GRIP1: variants seen among roughly 807,000 people sequenced by gnomAD.
GRIP1 encodes the protein glutamate receptor-interacting protein 1.
In GRIP1, 45 loss-of-function variants were observed where a neutral mutation model predicts 129.9. The ratio of observed to expected loss-of-function variants is 0.35; its 90% CI spans 0.27 to 0.44. GRIP1 has a LOEUF of 0.44. GRIP1 is among the 20% of genes least tolerant of loss of function. GRIP1 has a pLI of 1.00. For synonymous variants in GRIP1, 530 were observed against 520.8 expected (o/e 1.02, Z -0.24); for missense variants, 1,196 against 1,396.8 (o/e 0.86, Z 2.29).
chr12:66,703,476 G>A (rs2035419359), intron 1 of GRIP1, among the ~76,000 whole-genome samples: 1 of 151,990 alleles, frequency 6.6e-6, no homozygotes, highest in African/African-American at 2.4e-5. Context: ...CCGCTAGGAG[G>A]TGGAGGCAAT....
At chr12:66,688,391 T>C (rs2034857885) in intron 1 of GRIP1, among the ~76,000 whole-genome samples, 1 of 152,188 alleles carries the variant, frequency 6.6e-6, no homozygotes, top group African/African-American at 2.4e-5. Context: ...AATTTTCAAG[T>C]GCTTTACAAA....
At chr12:67,001,294 G>A (rs2042547264) in intron 1 of GRIP1, among the ~76,000 whole-genome samples, 1 of 152,136 alleles carries the variant, frequency 6.6e-6, no homozygotes, top group Non-Finnish European at 1.5e-5. Flanking sequence ...AGAGCTTGTG[G>A]GCTATCTAAA....
At chr12:66,804,794 G>A (rs1158813836), upstream of GRIP1, among the ~76,000 whole-genome samples, 2 of 152,274 alleles carry the variant, frequency 1.3e-5, no homozygotes, top group Admixed American at 6.5e-5. Flanking sequence ...TGCAATGGGC[G>A]TACTGATTAA....
rs2137528128 is a variant in GRIP1 at position 66,959,563 on chromosome 12, A to T, written c.58+109487T>A. Among the ~76,000 whole-genome samples, 3 of 152,326 alleles carry T rather than the reference A, an allele frequency of 2.0e-5. No homozygotes were observed. The South Asian group carries it at 6.2e-4, about 32-fold the overall frequency. On this transcript the variant is annotated intron_variant, in intron 1 of 1. Transcript: ENST00000643019. ...TCCATTTGAATCTTTATGATACAGTACATTTTCTTGCCAGAGTATTTTTTC... is the reference window on the plus strand; with the variant it reads ...TCCATTTGAATCTTTATGATACAGTTCATTTTCTTGCCAGAGTATTTTTTC...
At chr12:66,428,286 A>C (rs1475159464) in intron 14 of GRIP1, among the ~76,000 whole-genome samples, 1 of 152,188 alleles carries the variant, frequency 6.6e-6, no homozygotes, top group Non-Finnish European at 1.5e-5. Context: ...TTTGAAATGG[A>C]GCAGTGAGTA....
intron 1 of GRIP1, among the ~76,000 whole-genome samples, chr12:66,603,971 A>G (rs1325517860): frequency 6.6e-6 from 1 of 152,204 alleles, no homozygotes; most frequent in Non-Finnish European, 1.5e-5. Context: ...TTAGCTAGTA[A>G]AGGTCAAATG....
At chr12:66,883,147 T>C (rs1335588725) in intron 1 of GRIP1, among the ~76,000 whole-genome samples, 1 of 152,174 alleles carries the variant, frequency 6.6e-6, no homozygotes, top group Admixed American at 6.5e-5. Flanking sequence ...TACCAGTTAA[T>C]GTCTCTCTGG....
intron 1 of GRIP1, among the ~76,000 whole-genome samples, chr12:66,895,230 C>T (rs12810479): frequency 0.094 from 14,242 of 152,160 alleles, 896 homozygotes; most frequent in Non-Finnish European, 0.14. Flanking sequence ...ATGGGAAGGA[C>T]CTGGTGGGAG....
chr12:66,637,078 G>A (rs1010109062), intron 1 of GRIP1, among the ~76,000 whole-genome samples: 1 of 152,130 alleles, frequency 6.6e-6, no homozygotes, highest in African/African-American at 2.4e-5. Flanking sequence ...CCGCTTCATG[G>A]TGTGCATTCC....
rs145621893 is a variant in GRIP1, at chr12:66,905,307, C to G, written c.58+163743G>C. Reference sequence around the variant, plus strand: ...CATTGTAGGAAATCTCTGCTCCAAGCTCCTCACTTTCCATATGTGGATGTT... The same window carrying G: ...CATTGTAGGAAATCTCTGCTCCAAGGTCCTCACTTTCCATATGTGGATGTT... On this transcript the variant is annotated intron_variant, in intron 1 of 1. Coordinates refer to the GRIP1 transcript ENST00000643019. Among the ~76,000 whole-genome samples, 554 of 152,314 alleles carry G rather than the reference C, an allele frequency of 3.6e-3. 4 individuals are homozygous for G. Among genetic ancestry groups the G allele is most frequent in the African/African-American group, 0.011 (472 of 41,572 alleles).
intron 1 of GRIP1, among the ~76,000 whole-genome samples, chr12:66,689,665 G>T (rs1444860512): frequency 1.3e-5 from 2 of 152,022 alleles, no homozygotes; most frequent in East Asian, 1.9e-4. Context: ...ATGTGGGTGT[G>T]ACGGGGGTCA....
chr12:66,794,998 A>C (rs2038654173), intron 1 of GRIP1, among the ~76,000 whole-genome samples: 2 of 152,188 alleles, frequency 1.3e-5, no homozygotes, highest in Non-Finnish European at 2.9e-5. Flanking sequence ...GCACCCGTAC[A>C]TCTCACCCTA....
intron 1 of GRIP1, among the ~76,000 whole-genome samples, chr12:66,746,616 T>G (rs2036955194): frequency 6.6e-6 from 1 of 152,198 alleles, no homozygotes; most frequent in Non-Finnish European, 1.5e-5. Context: ...CTCGTGCTGG[T>G]CTACCAGATG....
chr12:66,747,533 T>C (rs2136594341), intron 1 of GRIP1, among the ~76,000 whole-genome samples: 1 of 152,020 alleles, frequency 6.6e-6, no homozygotes, highest in South Asian at 2.1e-4. Context: ...AAGAGAAAAA[T>C]AAAATGGATT....
At chr12:66,607,262 T>C (rs760188587) in intron 1 of GRIP1, among the ~76,000 whole-genome samples, 2 of 152,212 alleles carry the variant, frequency 1.3e-5, no homozygotes, top group Non-Finnish European at 2.9e-5. Flanking sequence ...TGCAAGATTC[T>C]TTCCAGCACA....
intron 2 of GRIP1, among the ~76,000 whole-genome samples, chr12:66,593,353 T>C (rs1017485150): frequency 5.3e-5 from 8 of 152,230 alleles, no homozygotes; most frequent in African/African-American, 1.9e-4. Context: ...ATAACTGCTG[T>C]AGTTATTCTG....
chr12:66,536,065 T>TTTTCTGCAC (rs2061595890), intron 4 of GRIP1, among the ~76,000 whole-genome samples: 1 of 152,196 alleles, frequency 6.6e-6, no homozygotes, highest in Non-Finnish European at 1.5e-5. Context: ...ACCTTGGGGT[T>TTTTCTGCAC]AACTTTGACT....
At chr12:67,069,257 T>C (rs536819806), upstream of GRIP1, 18 of 253,976 alleles carry the variant, frequency 7.1e-5, no homozygotes, top group Non-Finnish European at 9.2e-5. Context: ...CCCGGGCACA[T>C]TGAAGCGGCG....
At chr12:66,446,094 G>GCCCCCCCCCCCCCCCCCC (rs1555185775) in intron 11 of GRIP1, among the ~76,000 whole-genome samples, 1 of 140,400 alleles carries the variant, frequency 7.1e-6, no homozygotes, top group Non-Finnish European at 1.5e-5. Flanking sequence ...CATTCCTCCT[G>GCCCCCCCCCCCCCCCCCC]CCGCCCCCCA....
Sources: allele counts gnomAD v4.1 joint callset (sites outside exome capture counted in the v4.1 genomes callset), GRCh38; gene constraint gnomAD v4.1.1; transcripts MANE v1.5; gene names NCBI Gene and HGNC (gene_info 2026-07-23, HGNC 2026-07-21).